Variants in CCSER1 observed in about 807,000 individuals in gnomAD.
The protein encoded by CCSER1 is coiled-coil serine rich protein 1, also known as serine-rich coiled-coil domain-containing protein 1.
In CCSER1, 41 loss-of-function variants were observed where a neutral mutation model predicts 82.0. The observed-to-expected ratio is 0.50, with a 90% CI of 0.39 to 0.65. CCSER1 has a LOEUF of 0.65. Ranked by LOEUF, CCSER1 falls within the 30% of genes least tolerant of loss-of-function variation. CCSER1 has a pLI of 0.00. For synonymous variants in CCSER1, 414 were observed against 383.9 expected (o/e 1.08, Z -0.92); for missense variants, 1,119 against 1,064.2 (o/e 1.05, Z -0.72).
intron 3 of CCSER1, among the ~76,000 whole-genome samples, chr4:90,321,679 A>T (rs1200382326): frequency 6.6e-6 from 1 of 152,146 alleles, no homozygotes. Flanking sequence ...CCTTTTCATC[A>T]ACAGTGTACA....
At chr4:91,291,769 A>G (rs151044598) in intron 10 of CCSER1, among the ~76,000 whole-genome samples, 1 of 151,962 alleles carries the variant, frequency 6.6e-6, no homozygotes, top group Non-Finnish European at 1.5e-5. Context: ...TTTGGCGGGG[A>G]CACAGATTCA....
At chr4:90,979,686 T>A (rs978318862) in intron 9 of CCSER1, among the ~76,000 whole-genome samples, 5 of 151,794 alleles carry the variant, frequency 3.3e-5, no homozygotes, top group Admixed American at 3.3e-4. Flanking sequence ...TCACTTCTGA[T>A]AGATTTAAAT....
chr4:90,412,474 A>C (rs192982109), intron 4 of CCSER1, among the ~76,000 whole-genome samples: 1 of 151,924 alleles, frequency 6.6e-6, no homozygotes, highest in Non-Finnish European at 1.5e-5. Flanking sequence ...ATAATAATAA[A>C]AAAAAGAATT....
At chr4:91,156,296 C>T (rs1281260816) in intron 10 of CCSER1, among the ~76,000 whole-genome samples, 2 of 151,670 alleles carry the variant, frequency 1.3e-5, no homozygotes, top group Non-Finnish European at 2.9e-5. Context: ...CTAGTGTGGT[C>T]AACCATTAGA....
intron 9 of CCSER1, among the ~76,000 whole-genome samples, chr4:90,963,708 GAATCCCAGCCTCC>G (rs1265572300): frequency 6.6e-6 from 1 of 152,056 alleles, no homozygotes; most frequent in African/African-American, 2.4e-5. Context: ...CTTGATTTTA[GAATCCCAGCCTCC>G]ATAATTGTGT....
chr4:90,813,868 G>A (rs1758654779), intron 7 of CCSER1, among the ~76,000 whole-genome samples: 1 of 152,186 alleles, frequency 6.6e-6, no homozygotes, highest in Admixed American at 6.5e-5. Context: ...CTGGAGGACA[G>A]TGACCCTCTT....
chr4:90,274,793 A>G (rs1727236254), intron 1 of CCSER1, among the ~76,000 whole-genome samples: 1 of 152,158 alleles, frequency 6.6e-6, no homozygotes, highest in Non-Finnish European at 1.5e-5. Context: ...ACAATTACTG[A>G]ATAAATTAGG....
At chr4:90,388,265 GA>G (rs1750396609) in intron 3 of CCSER1, among the ~76,000 whole-genome samples, 2 of 151,910 alleles carry the variant, frequency 1.3e-5, no homozygotes, top group South Asian at 4.1e-4. Context: ...TTTGACACAA[GA>G]GTGACATAGT....
In CCSER1 at chr4:90,800,981, C is replaced by T. The variant is rs1218157587; in HGVS notation, c.2011-14781C>T. 3.3e-5 allele frequency among the ~76,000 whole-genome samples: 5 copies of T among 151,694 alleles called. 1 individual carries two copies. Among genetic ancestry groups the T allele is most frequent in the South Asian group, 2.1e-4 (1 of 4,814 alleles). ...ATGCTCTGTTCTCTTACTGTATAATCGAAAAAAATCAGTAAGATGGGCTAC... is the reference window on the plus strand; with the variant it reads ...ATGCTCTGTTCTCTTACTGTATAATTGAAAAAAATCAGTAAGATGGGCTAC... On this transcript the variant is annotated intron_variant, in intron 7 of 10. Transcript: ENST00000509176.
At chr4:90,720,815 G>A (rs1742543564) in intron 6 of CCSER1, among the ~76,000 whole-genome samples, 2 of 151,832 alleles carry the variant, frequency 1.3e-5, no homozygotes, top group South Asian at 4.2e-4. Flanking sequence ...TATAATAGTA[G>A]CAGTTATGAG....
chr4:91,229,342 T>A (rs544594282), intron 10 of CCSER1, among the ~76,000 whole-genome samples: 35 of 150,236 alleles, frequency 2.3e-4, no homozygotes, highest in African/African-American at 8.5e-4. Context: ...TACTTCTAGA[T>A]ATGTTTTGAA....
intron 10 of CCSER1, among the ~76,000 whole-genome samples, chr4:91,466,144 G>T (rs1207463292): frequency 1.3e-5 from 2 of 152,150 alleles, no homozygotes; most frequent in Admixed American, 1.3e-4. Flanking sequence ...ACGTCAAAAA[G>T]CTTATCCATT....
chr4:90,601,358 G>T (rs1422155356), intron 5 of CCSER1, among the ~76,000 whole-genome samples: 1 of 151,538 alleles, frequency 6.6e-6, no homozygotes, highest in Non-Finnish European at 1.5e-5. Flanking sequence ...TTTCCTTTCT[G>T]TTTCTATTTT....
intron 9 of CCSER1, among the ~76,000 whole-genome samples, chr4:90,980,166 G>A (rs1360563846): frequency 6.6e-6 from 1 of 151,830 alleles, no homozygotes; most frequent in African/African-American, 2.4e-5. Flanking sequence ...ACCCTTAGGA[G>A]CTGCACTAGC....
chr4:90,200,951 T>G (rs146363035), intron 1 of CCSER1, among the ~76,000 whole-genome samples: 1 of 152,258 alleles, frequency 6.6e-6, no homozygotes, highest in Non-Finnish European at 1.5e-5. Context: ...CAGCAGCATT[T>G]TTTATTTAAC....
chr4:91,536,087 A>G (rs2110181296), intron 10 of CCSER1, among the ~76,000 whole-genome samples: 1 of 152,234 alleles, frequency 6.6e-6, no homozygotes, highest in South Asian at 2.1e-4. Context: ...ACAGTTTTCA[A>G]CATAAAACGT....
chr4:91,514,937 C>A (rs891696977), intron 10 of CCSER1, among the ~76,000 whole-genome samples: 1 of 151,970 alleles, frequency 6.6e-6, no homozygotes, highest in Non-Finnish European at 1.5e-5. Context: ...TGGATGATGC[C>A]TGCCTACATT....
At chr4:91,405,982 T>A (rs527486633) in intron 10 of CCSER1, among the ~76,000 whole-genome samples, 1 of 152,276 alleles carries the variant, frequency 6.6e-6, no homozygotes, top group East Asian at 1.9e-4. Flanking sequence ...ACTGGAGCTG[T>A]TCCTATTTGG....
intron 1 of CCSER1, among the ~76,000 whole-genome samples, chr4:90,162,884 C>G (rs888877653): frequency 6.6e-6 from 1 of 152,022 alleles, no homozygotes; most frequent in Non-Finnish European, 1.5e-5. Context: ...CTTAGATAAG[C>G]GTGTTAATAT....
Sources: allele counts gnomAD v4.1 joint callset (sites outside exome capture counted in the v4.1 genomes callset), GRCh38; gene constraint gnomAD v4.1.1; transcripts MANE v1.5; gene names NCBI Gene and HGNC (gene_info 2026-07-23, HGNC 2026-07-21).